The following ANKRD30BL variants were observed in gnomAD, a reference collection of about 807,000 sequenced individuals.
ANKRD30BL encodes the protein ankyrin repeat domain 30B like.
In ANKRD30BL, 20 loss-of-function variants were observed where a neutral mutation model predicts 18.4. The ratio of observed to expected loss-of-function variants is 1.09; its 90% CI spans 0.77 to 1.58. ANKRD30BL has a LOEUF of 1.58. Among genes scored for constraint, ANKRD30BL ranks in the 40% most tolerant of loss-of-function variants. The probability of loss-of-function intolerance (pLI) is 0.00; values close to 1 mark genes in which losing one functional copy is unlikely to be tolerated. For synonymous variants in ANKRD30BL, 72 were observed against 100.9 expected, an observed-to-expected ratio of 0.71 and a Z score of 1.72; for missense variants, 224 against 268.6, an observed-to-expected ratio of 0.83 and a Z score of 1.16.
intron 5 of ANKRD30BL, among the ~76,000 whole-genome samples, chr2:132,150,233 A>G (rs1452149223): frequency 6.6e-6 from 1 of 150,502 alleles, no homozygotes; most frequent in Non-Finnish European, 1.5e-5. Context: ...TAAAGAAACA[A>G]ACAAATAAAT....
chr2:132,229,391 T>C (rs879190080), intron 1 of ANKRD30BL, among the ~76,000 whole-genome samples: 24 of 152,306 alleles, frequency 1.6e-4, no homozygotes, highest in Non-Finnish European at 1.5e-5. Context: ...ACTCTTTTTG[T>C]AGAATCTGCA....
intron 1 of ANKRD30BL, among the ~76,000 whole-genome samples, chr2:132,254,400 C>T (rs958358148): frequency 1.1e-4 from 16 of 152,372 alleles, no homozygotes; most frequent in African/African-American, 3.6e-4. Context: ...CTTTTACTTC[C>T]TCTAGATAGT....
chr2:132,155,132 C>A (rs569397423), intron 3 of ANKRD30BL: 3 of 157,476 alleles, frequency 1.9e-5, no homozygotes, highest in Non-Finnish European at 4.2e-5. Flanking sequence ...TAAATTATTA[C>A]CTCTAGAACA....
At chr2:132,225,275 G>A (rs1452410832) in intron 1 of ANKRD30BL, among the ~76,000 whole-genome samples, 1 of 152,040 alleles carries the variant, frequency 6.6e-6, no homozygotes, top group Non-Finnish European at 1.5e-5. Context: ...GAATCTGCAA[G>A]TGGACATTTG....
At chr2:132,162,765 C>T (rs1688108428), upstream of ANKRD30BL, among the ~76,000 whole-genome samples, 2 of 152,268 alleles carry the variant, frequency 1.3e-5, no homozygotes, top group South Asian at 2.1e-4. Flanking sequence ...TTCCTTGGCT[C>T]GCGCCCTGAG....
intron 1 of ANKRD30BL, among the ~76,000 whole-genome samples, chr2:132,167,841 A>T (rs1479375365): frequency 2.0e-5 from 3 of 152,248 alleles, no homozygotes; most frequent in Non-Finnish European, 4.4e-5. Flanking sequence ...TAGTGTAGGT[A>T]TCTCATAAAA....
intron 1 of ANKRD30BL, among the ~76,000 whole-genome samples, chr2:132,173,011 T>C (rs1479149003): frequency 6.6e-6 from 1 of 151,290 alleles, no homozygotes; most frequent in East Asian, 2.0e-4. Flanking sequence ...TGGTCAACGG[T>C]GACTTTTAAT....
In ANKRD30BL at chr2:132,235,810, C is replaced by A. The variant is rs200383126; in HGVS notation, n.441+21719G>T. On this transcript the variant is annotated intron_variant and non_coding_transcript_variant, in intron 1 of 4. Coordinates refer to the ANKRD30BL transcript ENST00000470729. Reference sequence around the variant, plus strand: ...TGCCTTCCCCATCAAGCTACCAATGCCTTTCTTCACACAATTGGAAAAATC... The same window carrying A: ...TGCCTTCCCCATCAAGCTACCAATGACTTTCTTCACACAATTGGAAAAATC... Among the ~76,000 whole-genome samples the A allele has an allele frequency of 2.4e-3, 361 of 152,130 alleles. 2 individuals are homozygous for A. Among genetic ancestry groups the A allele is most frequent in the African/African-American group, 7.8e-3 (322 of 41,536 alleles).
chr2:132,224,934 T>C (rs1476860382), intron 1 of ANKRD30BL, among the ~76,000 whole-genome samples: 1 of 151,892 alleles, frequency 6.6e-6, no homozygotes, highest in African/African-American at 2.4e-5. Flanking sequence ...AATCTGGAAG[T>C]GGACATTTGG....
chr2:132,240,068 G>A (rs1029967378), intron 1 of ANKRD30BL, among the ~76,000 whole-genome samples: 1 of 151,436 alleles, frequency 6.6e-6, no homozygotes, highest in Non-Finnish European at 1.5e-5. Flanking sequence ...TTTTCATAGA[G>A]CAGTTATGAA....
chr2:132,176,601 ACT>A (rs994847517), intron 1 of ANKRD30BL, among the ~76,000 whole-genome samples: 1 of 151,592 alleles, frequency 6.6e-6, no homozygotes, highest in Admixed American at 6.6e-5. Context: ...ATAGAGCAAG[ACT>A]CTGTATTCAA....
At chr2:132,236,451 AAAAGTGGGC>A (rs1414661689) in intron 1 of ANKRD30BL, among the ~76,000 whole-genome samples, 1 of 152,168 alleles carries the variant, frequency 6.6e-6, no homozygotes, top group Non-Finnish European at 1.5e-5. Flanking sequence ...AACCCCATCA[AAAAGTGGGC>A]AAAGGACATG....
intron 1 of ANKRD30BL, among the ~76,000 whole-genome samples, chr2:132,205,601 C>CAAAAAAAA (rs563528186): frequency 1.5e-5 from 1 of 64,582 alleles, no homozygotes; most frequent in African/African-American, 4.3e-5. Context: ...AACTTCGTCT[C>CAAAAAAAA]AAAAAAAAAA....
intron 1 of ANKRD30BL, chr2:132,256,910 G>A: frequency 2.1e-6 from 1 of 466,622 alleles, no homozygotes; most frequent in Non-Finnish European, 4.3e-6. Flanking sequence ...GACAGGCAAG[G>A]CCAGGGACCG....
intron 1 of ANKRD30BL, among the ~76,000 whole-genome samples, 198 bp downstream of exon 1, chr2:132,161,290 G>A (rs1260699623): frequency 6.6e-6 from 1 of 152,150 alleles, no homozygotes; most frequent in Non-Finnish European, 1.5e-5. Flanking sequence ...CCGCCCTGCA[G>A]GGCGCCCTCA....
intron 1 of ANKRD30BL, among the ~76,000 whole-genome samples, chr2:132,195,748 A>G (rs1678950258): frequency 6.7e-6 from 1 of 148,236 alleles, no homozygotes; most frequent in African/African-American, 2.5e-5. Flanking sequence ...CCAAGATGGC[A>G]TCACTGTACT....
chr2:132,229,877 T>C (rs527959779), intron 1 of ANKRD30BL, among the ~76,000 whole-genome samples: 1 of 152,216 alleles, frequency 6.6e-6, no homozygotes, highest in East Asian at 1.9e-4. Flanking sequence ...TTCCTTTCCA[T>C]AGAGCAGTTT....
At chr2:132,155,001 T>G (rs1199254073) in intron 3 of ANKRD30BL, 2 of 346,918 alleles carry the variant, frequency 5.8e-6, no homozygotes, top group East Asian at 9.6e-5. Context: ...ATTGTAATGA[T>G]TTTATTGTTT....
At chr2:132,207,237 G>A (rs1044198066) in intron 1 of ANKRD30BL, among the ~76,000 whole-genome samples, 16 of 152,196 alleles carry the variant, frequency 1.1e-4, no homozygotes, top group African/African-American at 3.9e-4. Context: ...GTTTAAAATA[G>A]CATTTAAATT....
Sources: allele counts gnomAD v4.1 joint callset (sites outside exome capture counted in the v4.1 genomes callset), GRCh38; gene constraint gnomAD v4.1.1; transcripts MANE v1.5; gene names NCBI Gene and HGNC (gene_info 2026-07-23, HGNC 2026-07-21).